COL19A1: variants seen among roughly 807,000 people sequenced by gnomAD.
COL19A1 encodes the protein collagen type XIX alpha 1 chain.
In COL19A1, 159 loss-of-function variants were observed where a neutral mutation model predicts 190.2. The ratio of observed to expected loss-of-function variants is 0.84; its 90% CI spans 0.73 to 0.95. COL19A1 has a LOEUF of 0.95. Among genes scored for constraint, COL19A1 ranks in the 40% least tolerant of loss-of-function variants. COL19A1 has a pLI of 0.00. For synonymous variants in COL19A1, 509 were observed against 458.9 expected (o/e 1.11, Z -1.39); for missense variants, 1,418 against 1,431.9 (o/e 0.99, Z 0.16).
chr6:69,959,645 C>T (rs1352465412), intron 9 of COL19A1, among the ~76,000 whole-genome samples: 1 of 152,038 alleles, frequency 6.6e-6, no homozygotes, highest in African/African-American at 2.4e-5. Context: ...TGTCAGACTT[C>T]AATATTATTC....
intron 12 of COL19A1, among the ~76,000 whole-genome samples, chr6:70,028,365 A>C (rs1778840266): frequency 6.6e-6 from 1 of 152,076 alleles, no homozygotes; most frequent in Admixed American, 6.5e-5. Flanking sequence ...TGAAGGCTGG[A>C]CCTCCACTGT....
intron 12 of COL19A1, among the ~76,000 whole-genome samples, chr6:70,033,466 G>A (rs1174450392): frequency 1.3e-5 from 2 of 151,694 alleles, no homozygotes; most frequent in African/African-American, 2.4e-5. Context: ...TATTTACCAC[G>A]TAGTCAGGAT....
chr6:70,020,756 A>G (rs534941836), intron 11 of COL19A1, among the ~76,000 whole-genome samples: 1 of 152,272 alleles, frequency 6.6e-6, no homozygotes, highest in East Asian at 1.9e-4. Context: ...TAACCATCCT[A>G]CAATGTACAG....
chr6:69,923,711 G>A (rs1175028273), intron 4 of COL19A1, among the ~76,000 whole-genome samples: 2 of 152,212 alleles, frequency 1.3e-5, no homozygotes, highest in East Asian at 3.9e-4. Flanking sequence ...TATGTTACAG[G>A]GCTGTGTGAA....
intron 4 of COL19A1, among the ~76,000 whole-genome samples, chr6:69,926,975 G>A (rs115713454): frequency 0.013 from 1,937 of 152,164 alleles, 44 homozygotes; most frequent in African/African-American, 0.037. Context: ...CATAGTCAAC[G>A]TTTTGAAGGA....
rs752486604 is a variant in COL19A1 at position 70,035,956 on chromosome 6, T to C, written c.1170+17T>C. 3.7e-6 allele frequency: 6 copies of C among 1,610,004 alleles called. No homozygotes were observed. The South Asian group carries it at 5.5e-5, about 15-fold the overall frequency. ...GCCTTACCTGTAAGTATTCTTGAAA[T>C]CAAAATTCAAAATTGAAATCCATTA... On this transcript the variant is annotated intron_variant, in intron 14 of 50. Transcript: ENST00000620364.
At chr6:69,868,228 C>CT (rs1425838850) in intron 1 of COL19A1, among the ~76,000 whole-genome samples, 2 of 151,794 alleles carry the variant, frequency 1.3e-5, no homozygotes, top group East Asian at 3.9e-4. Context: ...AAAAGAGCCC[C>CT]TGCTCGTATG....
At chr6:69,978,212 G>T (rs116548785) in intron 11 of COL19A1, among the ~76,000 whole-genome samples, 1 of 152,014 alleles carries the variant, frequency 6.6e-6, no homozygotes, top group African/African-American at 2.4e-5. Context: ...TATAGCTGTT[G>T]CCAGATACAC....
At chr6:69,947,025 A>G (rs908541253) in intron 9 of COL19A1, among the ~76,000 whole-genome samples, 1 of 151,852 alleles carries the variant, frequency 6.6e-6, no homozygotes, top group African/African-American at 2.4e-5. Context: ...CAGAGACTGT[A>G]TGGCCCACAA....
chr6:70,187,332 A>ACACACAAACATG (rs1766591775), intron 46 of COL19A1, among the ~76,000 whole-genome samples: 2 of 144,756 alleles, frequency 1.4e-5, no homozygotes, highest in Non-Finnish European at 3.1e-5. Flanking sequence ...CTCAACGTGC[A>ACACACAAACATG]CACACACATG....
chr6:70,098,295 A>C, intron 15 of COL19A1: 1 of 394,628 alleles, frequency 2.5e-6, no homozygotes, highest in Admixed American at 2.5e-5. Flanking sequence ...AAAGTATCCT[A>C]GCTTAAGGAG....
At chr6:69,897,230 G>A (rs1769843969) in intron 2 of COL19A1, among the ~76,000 whole-genome samples, 1 of 152,120 alleles carries the variant, frequency 6.6e-6, no homozygotes, top group South Asian at 2.1e-4. Context: ...TTAGTAAAAT[G>A]ACCATCCATT....
intron 15 of COL19A1, among the ~76,000 whole-genome samples, chr6:70,100,530 TA>T (rs1457806778): frequency 2.4e-5 from 3 of 127,434 alleles, no homozygotes; most frequent in Admixed American, 1.0e-4. Context: ...TTTGTGTTTT[TA>T]ATTTTTTTTT....
At chr6:70,185,082 T>C (rs3818326) in intron 46 of COL19A1, among the ~76,000 whole-genome samples, 167 bp downstream of exon 46, 2,208 of 152,318 alleles carry the variant, frequency 0.014, 80 homozygotes, top group East Asian at 0.13. Flanking sequence ...GACAACGGAC[T>C]CAGAGCAAGT....
chr6:69,912,876 C>T (rs1402393220), intron 4 of COL19A1, among the ~76,000 whole-genome samples: 1 of 152,078 alleles, frequency 6.6e-6, no homozygotes, highest in Non-Finnish European at 1.5e-5. Flanking sequence ...TCGCTTGAGC[C>T]CAGGAGTTCG....
At chr6:70,202,086 T>C (rs572866012) in intron 49 of COL19A1, among the ~76,000 whole-genome samples, 4 of 152,214 alleles carry the variant, frequency 2.6e-5, no homozygotes, top group Admixed American at 6.5e-5. Context: ...TCTGAATTAG[T>C]CCTCTTAATG....
At position 70,194,879 on chromosome 6, in the gene COL19A1, G is replaced by A. The variant is rs189498106; in HGVS notation, c.3094+4498G>A. ...AGAAAGATTTGGGCTAAGTATTCCC[G>A]AACAATGTTTCTGCCTCCAGATTTC... is the stretch of plus-strand genomic sequence containing the variant. On this transcript the variant is annotated intron_variant, in intron 48 of 50. Transcript: ENST00000620364. Among the ~76,000 whole-genome samples, 174 of 151,910 alleles carry A rather than the reference G, an allele frequency of 1.1e-3. 1 individual carries two copies. The highest frequency in any genetic ancestry group is 3.4e-3 in the Middle Eastern group (1 of 294).
chr6:70,090,650 G>GGT (rs775639215), intron 15 of COL19A1, among the ~76,000 whole-genome samples: 70 of 152,236 alleles, frequency 4.6e-4, no homozygotes, highest in Non-Finnish European at 8.8e-4. Context: ...TTGAGCTTCT[G>GGT]TATTAAATGA....
rs746656077 is a variant in COL19A1, at chr6:70,130,232, AT to A, written c.1383+21del. On this transcript the variant is annotated intron_variant, in intron 18 of 50. Coordinates refer to ENST00000620364, the MANE Select transcript of COL19A1 (RefSeq NM_001858.6). ...GCCTGAAAGGAGACAAGGTAATCAG[AT>A]TTTTTTTTTTTAGATGGAGTCTTGC... 101,143 of 990,576 alleles carry A rather than the reference AT, an allele frequency of 0.1. 5 individuals carry two copies. Among genetic ancestry groups the A allele is most frequent in the South Asian group, 0.14 (7,552 of 52,556 alleles). The allele number at this position is 990,576 out of a possible 1,614,324, so 61.4% of individuals were successfully genotyped here.
Sources: gnomAD v4.1 joint callset for allele counts (sites outside exome capture counted in the v4.1 genomes callset) on GRCh38, gnomAD v4.1.1 for gene constraint, MANE v1.5 for transcripts, NCBI Gene and HGNC (gene_info 2026-07-23, HGNC 2026-07-21) for gene names.